Variants in CDK13 observed in about 807,000 individuals in gnomAD.
CDK13 encodes the protein cyclin-dependent kinase 13.
A neutral mutation model predicts 137.6 loss-of-function variants in CDK13; 40 were observed. The observed-to-expected ratio is 0.29, with a 90% CI of 0.23 to 0.38. The LOEUF (loss-of-function observed/expected upper bound fraction) is 0.38, where lower values mean the gene tolerates loss of function less well. CDK13 is among the 10% of genes least tolerant of loss of function. The pLI is 1.00. For synonymous variants in CDK13, 869 were observed against 760.1 expected (o/e 1.14, Z -2.36); for missense variants, 1,704 against 1,951.8 (o/e 0.87, Z 2.39).
intron 1 of CDK13, among the ~76,000 whole-genome samples, chr7:39,959,255 G>A (rs1165678559): frequency 2.7e-5 from 4 of 150,940 alleles, no homozygotes; most frequent in African/African-American, 9.8e-5. Context: ...TCTGCCTCCC[G>A]GGTTCAAGCG....
intron 9 of CDK13, among the ~76,000 whole-genome samples, chr7:40,075,314 T>C (rs1224778986): frequency 6.6e-6 from 1 of 152,206 alleles, no homozygotes; most frequent in East Asian, 1.9e-4. Context: ...CAGTTATCAG[T>C]TGCTGTCATG....
intron 1 of CDK13, among the ~76,000 whole-genome samples, chr7:39,973,543 A>G (rs1784044770): frequency 6.6e-6 from 1 of 152,174 alleles, no homozygotes; most frequent in Non-Finnish European, 1.5e-5. Flanking sequence ...TGATTTACAA[A>G]TAATTTCTTT....
intron 7 of CDK13, among the ~76,000 whole-genome samples, chr7:40,059,658 T>C (rs1404126167): frequency 6.6e-6 from 1 of 152,030 alleles, no homozygotes; most frequent in Non-Finnish European, 1.5e-5. Context: ...CACCCAGCCT[T>C]CTTGGGATTG....
At chr7:40,058,052 G>T (rs1055436406) in intron 7 of CDK13, among the ~76,000 whole-genome samples, 3 of 148,002 alleles carry the variant, frequency 2.0e-5, no homozygotes, top group Non-Finnish European at 4.6e-5. Context: ...GTGGATAATT[G>T]GGTAATTTTC....
chr7:40,057,336 G>A (rs1183742646), intron 7 of CDK13, among the ~76,000 whole-genome samples: 1 of 152,226 alleles, frequency 6.6e-6, no homozygotes, highest in Non-Finnish European at 1.5e-5. Flanking sequence ...AAGTCAAATG[G>A]TGACTGCTTC....
At chr7:39,964,615 G>C (rs1237616738) in intron 1 of CDK13, among the ~76,000 whole-genome samples, 1 of 144,046 alleles carries the variant, frequency 6.9e-6, no homozygotes, top group Admixed American at 7.0e-5. Flanking sequence ...GGATTTTTGT[G>C]TCTCTATTTC....
At chr7:40,038,874 T>C (rs1428142649) in intron 5 of CDK13, among the ~76,000 whole-genome samples, 1 of 152,130 alleles carries the variant, frequency 6.6e-6, no homozygotes, top group Non-Finnish European at 1.5e-5. Flanking sequence ...TTTATATTTT[T>C]AGCAGAAACG....
chr7:39,957,565 T>C (rs1344701830), intron 1 of CDK13, among the ~76,000 whole-genome samples: 2 of 152,216 alleles, frequency 1.3e-5, no homozygotes, highest in East Asian at 1.9e-4. Context: ...TCTCATACTC[T>C]AGGATAGGGC....
At chr7:40,053,834 C>CA (rs17496565) in intron 7 of CDK13, among the ~76,000 whole-genome samples, 13,007 of 151,336 alleles carry the variant, frequency 0.086, 960 homozygotes, top group East Asian at 0.33. Context: ...CTTTATTATA[C>CA]ATAGTTTCCT....
chr7:40,076,089 A>C (rs1229204902), intron 9 of CDK13, among the ~76,000 whole-genome samples: 1 of 152,110 alleles, frequency 6.6e-6, no homozygotes, highest in Non-Finnish European at 1.5e-5. Context: ...TCCCTAACTT[A>C]AGTTTTCTTG....
intron 2 of CDK13, among the ~76,000 whole-genome samples, chr7:39,993,983 TAAG>T (rs1208098860): frequency 6.6e-6 from 1 of 152,104 alleles, no homozygotes; most frequent in Non-Finnish European, 1.5e-5. Context: ...TTTCTGATAA[TAAG>T]GTATGGTATT....
intron 7 of CDK13, among the ~76,000 whole-genome samples, chr7:40,054,400 AT>A (rs1785964233): frequency 6.6e-6 from 1 of 151,866 alleles, no homozygotes; most frequent in Non-Finnish European, 1.5e-5. Context: ...ATTACCTGTA[AT>A]TTTTCCCATG....
chr7:40,039,434 A>ATTTTTTTTTTTTTTTT lies in CDK13; in HGVS notation c.2354-6394_2354-6379dup, dbSNP rs976319927. ...AGGTGCCCACGACCATGCCCGGCTA[A>ATTTTTTTTTTTTTTTT]TTTTTTTTTTTTTTTTTTTTTTTGC... On this transcript the variant is annotated intron_variant, in intron 5 of 13. Transcript: ENST00000181839. 4.2e-4 allele frequency among the ~76,000 whole-genome samples: 36 copies of ATTTTTTTTTTTTTTTT among 85,000 alleles called. 8 individuals carry two copies. The highest frequency in any genetic ancestry group is 1.4e-3 in the African/African-American group (26 of 18,014). 55.8% of individuals were successfully genotyped at this position (85,000 alleles called of 152,430 possible). A position where few individuals can be genotyped will look rare whatever the true frequency, so the allele number is the denominator to read the frequency against.
intron 5 of CDK13, among the ~76,000 whole-genome samples, chr7:40,039,939 A>G: frequency 6.6e-6 from 1 of 151,846 alleles, no homozygotes; most frequent in Non-Finnish European, 1.5e-5. Flanking sequence ...TTAGGTTATT[A>G]AGGAATTCTG....
At chr7:39,956,307 C>G (rs535920612) in intron 1 of CDK13, among the ~76,000 whole-genome samples, 1 of 152,326 alleles carries the variant, frequency 6.6e-6, no homozygotes, top group Non-Finnish European at 1.5e-5. Context: ...TTTTCATTCT[C>G]AAAGTGATGG....
At position 39,956,257 on chromosome 7, in the gene CDK13, T is replaced by C. The variant is rs1344113147; in HGVS notation, c.1211+4405T>C. Among the ~76,000 whole-genome samples, 7 of 152,294 alleles carry C rather than the reference T, an allele frequency of 4.6e-5. No individual in the cohort carries two copies. In the East Asian group the frequency reaches 1.4e-3, roughly 29 times the overall value. ...GAAACTCTCAGAAGGGAATGGAAGT[T>C]TAGGTTAACTGTCTTAAATTTCCAA... is the stretch of plus-strand genomic sequence containing the variant. On this transcript the variant is annotated intron_variant, in intron 1 of 13. Coordinates refer to ENST00000181839, the MANE Select transcript of CDK13 (RefSeq NM_003718.5).
chr7:39,979,822 G>A (rs1283670712), intron 1 of CDK13, among the ~76,000 whole-genome samples: 1 of 152,118 alleles, frequency 6.6e-6, no homozygotes, highest in African/African-American at 2.4e-5. Flanking sequence ...AGGCTGTAGG[G>A]TCTAGTCAGA....
chr7:39,960,215 ATT>A lies in CDK13; in HGVS notation c.1211+8373_1211+8374del, dbSNP rs61110193. Among the ~76,000 whole-genome samples, 9 of 143,760 alleles carry A rather than the reference ATT, an allele frequency of 6.3e-5. No individual in the cohort carries two copies. In the South Asian group the frequency reaches 1.1e-3, roughly 17 times the overall value. 94.3% of individuals were successfully genotyped at this position (143,760 alleles called of 152,430 possible). A position where few individuals can be genotyped will look rare whatever the true frequency, so the allele number is the denominator to read the frequency against. On this transcript the variant is annotated intron_variant, in intron 1 of 13. Transcript: ENST00000181839. ...TTTAAAATACCACTTTCATTTGATC[ATT>A]TTTTTTTTTCTATAAGATACTTACA...
intron 5 of CDK13, among the ~76,000 whole-genome samples, chr7:40,016,338 T>C (rs1785004477): frequency 6.6e-6 from 1 of 152,202 alleles, no homozygotes; most frequent in South Asian, 2.1e-4. Context: ...ATTATACTTT[T>C]TGGGTTGTTG....
Sources: allele counts gnomAD v4.1 joint callset (sites outside exome capture counted in the v4.1 genomes callset), GRCh38; gene constraint gnomAD v4.1.1; transcripts MANE v1.5; gene names NCBI Gene and HGNC (gene_info 2026-07-23, HGNC 2026-07-21).